The following RETREG3 variants were observed in gnomAD, a reference collection of about 807,000 sequenced individuals.
The protein encoded by RETREG3 is reticulophagy regulator 3.
A neutral mutation model predicts 50.2 loss-of-function variants in RETREG3; 23 were observed. That is an observed-to-expected ratio of 0.46 (90% confidence interval 0.33 to 0.65). The LOEUF (loss-of-function observed/expected upper bound fraction) is 0.65. Among genes scored for constraint, RETREG3 ranks in the 30% least tolerant of loss-of-function variants. The pLI, the probability that RETREG3 is intolerant of heterozygous loss-of-function variation, is 0.02. For synonymous variants in RETREG3, 240 were observed against 234.4 expected, an observed-to-expected ratio of 1.02 and a Z score of -0.22; for missense variants, 546 against 598.0, an observed-to-expected ratio of 0.91 and a Z score of 0.91.
rs200083943 is a variant in RETREG3, at chr17:42,582,218, G to T, written c.996C>A (p.Asp332Glu). ...PEESFARDLP[D>E]FPSINMDPAG... ...CAGGATCCATATTAATGGAAGGGAAGTCTGGAAGGTCTCTGGCAAAGGATT... is the reference window on the plus strand; with the variant it reads ...CAGGATCCATATTAATGGAAGGGAATTCTGGAAGGTCTCTGGCAAAGGATT... The change falls in exon 9 of 9, where the codon GAC becomes GAA. Residue 332 changes from aspartate (D) to glutamate (E), a missense_variant. Transcript: ENST00000309428. The T allele has an allele frequency of 1.9e-6, 3 of 1,612,518 alleles. No homozygotes were observed. Among genetic ancestry groups the T allele is most frequent in the Non-Finnish European group, 2.5e-6 (3 of 1,180,024 alleles).
intron 1 of RETREG3, among the ~76,000 whole-genome samples, chr17:42,593,859 C>G (rs1266704886): frequency 6.6e-6 from 1 of 151,900 alleles, no homozygotes; most frequent in Non-Finnish European, 1.5e-5. Flanking sequence ...CATTTTTTCC[C>G]TTTTTTCCCC....
intron 2 of RETREG3, among the ~76,000 whole-genome samples, chr17:42,588,804 C>T (rs573121836): frequency 1.4e-4 from 21 of 151,956 alleles, no homozygotes; most frequent in Non-Finnish European, 2.8e-4. Flanking sequence ...ATTATAGGCA[C>T]CTGCCACCAC....
Position 42,586,798 on chromosome 17 carries a change from A to G in RETREG3, c.471T>C (p.Asn157=), listed in dbSNP as rs770451394. ...VWVSGTIFIR[N]VLLFKKQNPG... is the part of the protein sequence containing the mutation. ...GGTTTTGCTTTTTGAAAAGCAAAAC[A>G]TTCCTTATGAAAATGGTCCCACTAA... The change falls in exon 4 of 9, where the codon AAT becomes AAC. Residue 157 remains asparagine (N), a synonymous_variant. Transcript: ENST00000309428. 17 of 1,614,072 alleles carry G rather than the reference A, an allele frequency of 1.1e-5. No individual in the cohort carries two copies. Among genetic ancestry groups the G allele is most frequent in the Non-Finnish European group, 1.4e-5 (17 of 1,180,024 alleles).
At chr17:42,594,870 A>G (rs2093140775) in intron 1 of RETREG3, among the ~76,000 whole-genome samples, 1 of 151,034 alleles carries the variant, frequency 6.6e-6, no homozygotes, top group South Asian at 2.1e-4. Context: ...ACATACATAC[A>G]TACGTTTATC....
At chr17:42,588,332 C>T (rs984712235) in intron 2 of RETREG3, among the ~76,000 whole-genome samples, 3 of 152,208 alleles carry the variant, frequency 2.0e-5, no homozygotes, top group Non-Finnish European at 4.4e-5. Flanking sequence ...TCTTGGCTCA[C>T]TGCAAGCTCC....
chr17:42,582,235 C>T lies in RETREG3; in HGVS notation c.979G>A (p.Ala327Thr), dbSNP rs774403896. The T allele has an allele frequency of 9.3e-6, 15 of 1,609,938 alleles. No individual in the cohort carries two copies. The highest frequency in any genetic ancestry group is 1.3e-5 in the Non-Finnish European group (15 of 1,179,902). ...DGHSDPEESF[A>T]RDLPDFPSIN... Reference sequence around the variant, plus strand: ...GAAGGGAAGTCTGGAAGGTCTCTGGCAAAGGATTCCTCTGGATCACTGTGA... The same window carrying T: ...GAAGGGAAGTCTGGAAGGTCTCTGGTAAAGGATTCCTCTGGATCACTGTGA... Residue 327 changes from alanine to threonine, a missense_variant, in exon 9 of 9, where the codon GCC becomes ACC. By Grantham distance (58) the Ala-to-Thr change is moderately conservative. Transcript: ENST00000309428.
intron 2 of RETREG3, among the ~76,000 whole-genome samples, chr17:42,591,392 GT>G (rs2093132886): frequency 6.6e-6 from 1 of 150,998 alleles, no homozygotes; most frequent in African/African-American, 2.4e-5. Context: ...CGAGGCTGGA[GT>G]GCAGTGGCAC....
intron 1 of RETREG3, among the ~76,000 whole-genome samples, chr17:42,595,111 A>G (rs569155970): frequency 1.8e-4 from 27 of 148,226 alleles, no homozygotes; most frequent in African/African-American, 6.4e-4. Context: ...GACTACATGC[A>G]TGCACCACCA....
At chr17:42,601,946 A>G (rs1567926883) in intron 1 of RETREG3, among the ~76,000 whole-genome samples, 2 of 152,000 alleles carry the variant, frequency 1.3e-5, no homozygotes, top group Admixed American at 6.6e-5. Flanking sequence ...AAAGTTTCCA[A>G]TTTTTTGATG....
At chr17:42,586,556 G>A in intron 4 of RETREG3, 1 of 541,590 alleles carries the variant, frequency 1.8e-6, no homozygotes, top group East Asian at 3.5e-5. Flanking sequence ...CCTCATCTAA[G>A]TGGCAACCAC....
At chr17:42,598,045 G>A (rs918830745) in intron 1 of RETREG3, among the ~76,000 whole-genome samples, 2 of 141,626 alleles carry the variant, frequency 1.4e-5, no homozygotes, top group African/African-American at 2.7e-5. Context: ...ACAGTGGTGC[G>A]ATCTCGGCTC....
At chr17:42,603,819 T>C (rs529463917) in intron 1 of RETREG3, among the ~76,000 whole-genome samples, 3 of 152,118 alleles carry the variant, frequency 2.0e-5, no homozygotes, top group Admixed American at 1.3e-4. Context: ...CTACTAAAAA[T>C]ACAAAAAATT....
chr17:42,593,996 G>C (rs1049717129), intron 1 of RETREG3, among the ~76,000 whole-genome samples: 1 of 152,106 alleles, frequency 6.6e-6, no homozygotes, highest in Non-Finnish European at 1.5e-5. Context: ...CTCGAGACAA[G>C]CCTCGGCAAC....
In RETREG3 at chr17:42,582,399, T is replaced by TTC. The variant is rs1043683638; in HGVS notation, c.944-131_944-130dup. 4.3e-5 allele frequency: 39 copies of TTC among 913,486 alleles called. No homozygotes were observed. In the African/African-American group the frequency reaches 6.3e-4, roughly 15 times the overall value. 56.6% of individuals were successfully genotyped at this position (913,486 alleles called of 1,614,324 possible). A position where few individuals can be genotyped will look rare whatever the true frequency, so the allele number is the denominator to read the frequency against. ...ATAAACCCATGGGACTGGTATACCT[T>TTC]TCCCCTCCACTTATAGGTGGCTGTG... On this transcript the variant is annotated intron_variant, in intron 8 of 8. Transcript: ENST00000309428.
intron 1 of RETREG3, among the ~76,000 whole-genome samples, chr17:42,595,080 C>T (rs566863835): frequency 7.3e-5 from 11 of 149,672 alleles, no homozygotes; most frequent in Non-Finnish European, 1.5e-4. Flanking sequence ...ATTCTCCTGC[C>T]TCAGCCTCCC....
At chr17:42,602,778 C>T (rs1567927091) in intron 1 of RETREG3, among the ~76,000 whole-genome samples, 3 of 152,110 alleles carry the variant, frequency 2.0e-5, no homozygotes, top group South Asian at 2.1e-4. Context: ...CTTGTTTCTA[C>T]GAAAAATACA....
At chr17:42,606,719 A>G (rs2093168431) in intron 1 of RETREG3, among the ~76,000 whole-genome samples, 1 of 152,190 alleles carries the variant, frequency 6.6e-6, no homozygotes, top group Admixed American at 6.5e-5. Context: ...GGCCCGGTAC[A>G]GTGCAGTGGC....
rs1181670443 is a variant in RETREG3 at position 42,580,957 on chromosome 17, T to C, written c.*856A>G. On this transcript the variant is annotated 3_prime_UTR_variant, in exon 9 of 9. Transcript: ENST00000309428. ...GAGGAGGCTGAGGTAGGAGAATCGCTTGACCCGGCAGGCGGAGGCTGCAGT... is the reference window on the plus strand; with the variant it reads ...GAGGAGGCTGAGGTAGGAGAATCGCCTGACCCGGCAGGCGGAGGCTGCAGT... 6.6e-6 allele frequency: 1 copy of C among 150,692 alleles called. No homozygotes were observed. Among genetic ancestry groups the C allele is most frequent in the Non-Finnish European group, 1.5e-5 (1 of 67,912 alleles). The allele number at this position is 150,692 out of a possible 1,614,324, so 9.3% of individuals were successfully genotyped here.
In RETREG3 at chr17:42,581,945, G is replaced by A. The variant is rs2093109847; in HGVS notation, c.1269C>T (p.Ala423=). 3 of 1,614,112 alleles carry A rather than the reference G, an allele frequency of 1.9e-6. No homozygotes were observed. The highest frequency in any genetic ancestry group is 3.3e-5 in the Admixed American group (2 of 60,022). ...ASQPGPSGAP[A]QRATRGFLRS... is the part of the protein sequence containing the mutation. ...GGAGGAAGCCTCTCGTTGCTCTCTG[G>A]GCAGGTGCTCCAGAAGGGCCTGGTT... Residue 423 remains alanine (A), a synonymous_variant, in exon 9 of 9, where the codon GCC becomes GCT. Transcript: ENST00000309428.
Sources: gnomAD v4.1 joint callset for allele counts (sites outside exome capture counted in the v4.1 genomes callset) on GRCh38, gnomAD v4.1.1 for gene constraint, MANE v1.5 for transcripts, NCBI Gene and HGNC (gene_info 2026-07-23, HGNC 2026-07-21) for gene names.